The following SAMSN1 variants were observed in gnomAD, a reference collection of about 807,000 sequenced individuals.
The protein encoded by SAMSN1 is SAM domain, SH3 domain and nuclear localization signals 1.
Under a neutral mutation model 42.0 loss-of-function variants are expected in SAMSN1, and 31 were observed. The ratio of observed to expected loss-of-function variants is 0.74; its 90% CI spans 0.55 to 1.00. SAMSN1 has a LOEUF of 1.00. Among genes scored for constraint, SAMSN1 ranks in the 50% least tolerant of loss-of-function variants. The pLI is 0.00. For synonymous variants in SAMSN1, 178 were observed against 151.9 expected, an observed-to-expected ratio of 1.17 and a Z score of -1.26; for missense variants, 464 against 439.4, an observed-to-expected ratio of 1.06 and a Z score of -0.50.
chr21:14,498,641 T>C, intron 6 of SAMSN1, 49 bp from the exon 7 acceptor site: 2 of 1,427,436 alleles, frequency 1.4e-6, no homozygotes, highest in Non-Finnish European at 1.9e-6. Flanking sequence ...AAATATTTTA[T>C]TTTTAGTTCT....
chr21:14,546,343 T>C, upstream of SAMSN1: 1 of 1,583,532 alleles, frequency 6.3e-7, no homozygotes, highest in Non-Finnish European at 8.6e-7. Context: ...TGCTGTCTAA[T>C]GCACAGCATC....
At chr21:14,504,356 G>T (rs192759451) in intron 5 of SAMSN1, among the ~76,000 whole-genome samples, 1 of 152,204 alleles carries the variant, frequency 6.6e-6, no homozygotes, top group East Asian at 1.9e-4. Context: ...TCCAAAAAAC[G>T]ATCCAAGACG....
intron 2 of SAMSN1, among the ~76,000 whole-genome samples, chr21:14,623,255 A>T (rs1387355173): frequency 6.6e-6 from 1 of 152,248 alleles, no homozygotes; most frequent in African/African-American, 2.4e-5. Context: ...GCAGGATCAA[A>T]TTCACACATA....
chr21:14,604,031 T>C (rs916242457), intron 5 of SAMSN1, among the ~76,000 whole-genome samples: 3 of 152,228 alleles, frequency 2.0e-5, no homozygotes, highest in African/African-American at 7.2e-5. Context: ...GGTACCATTT[T>C]ACAGCCCCTG....
intron 2 of SAMSN1, among the ~76,000 whole-genome samples, chr21:14,579,899 G>A (rs924846204): frequency 6.6e-6 from 1 of 152,142 alleles, no homozygotes; most frequent in African/African-American, 2.4e-5. Context: ...AGTGGAGTAT[G>A]GTTAAGTTCC....
intron 2 of SAMSN1, among the ~76,000 whole-genome samples, chr21:14,581,565 T>C (rs1394139303): frequency 4.6e-5 from 7 of 151,470 alleles, no homozygotes; most frequent in South Asian, 2.1e-4. Flanking sequence ...TTCACCTTGT[T>C]AGCCAGGATG....
chr21:14,612,399 T>C (rs1982731483), intron 4 of SAMSN1: 1 of 203,826 alleles, frequency 4.9e-6, no homozygotes, highest in Non-Finnish European at 1.1e-5. Context: ...AGAATTAAGG[T>C]ACAAACCAAA....
At chr21:14,512,675 C>T in intron 3 of SAMSN1, 102 bp from the exon 4 acceptor site, 1 of 1,082,250 alleles carries the variant, frequency 9.2e-7, no homozygotes, top group Non-Finnish European at 1.4e-6. Context: ...CAATAAAATA[C>T]TTAAGGATAC....
intron 2 of SAMSN1, among the ~76,000 whole-genome samples, chr21:14,626,875 C>T (rs1983191375): frequency 2.0e-5 from 3 of 152,080 alleles, no homozygotes. Context: ...TTGGAACCAA[C>T]CCAAATGTCC....
At chr21:14,565,718 A>G (rs1311799700) in intron 2 of SAMSN1, among the ~76,000 whole-genome samples, 1 of 152,154 alleles carries the variant, frequency 6.6e-6, no homozygotes, top group South Asian at 2.1e-4. Context: ...ATCGATTCCA[A>G]ATTTAAACTC....
exon 5 of SAMSN1, chr21:14,609,544 A>T: frequency 1.4e-6 from 1 of 718,010 alleles, no homozygotes; most frequent in Non-Finnish European, 2.6e-6. Flanking sequence ...TTCCTGCCAG[A>T]TTTTGTCATT....
At chr21:14,645,380 C>T (rs995317968) in intron 1 of SAMSN1, among the ~76,000 whole-genome samples, 1 of 152,244 alleles carries the variant, frequency 6.6e-6, no homozygotes, top group South Asian at 2.1e-4. Flanking sequence ...GACTGGTCAT[C>T]CAGGGAGTTC....
chr21:14,608,875 A>G (rs1049371160), intron 5 of SAMSN1, among the ~76,000 whole-genome samples: 8 of 152,140 alleles, frequency 5.3e-5, no homozygotes, highest in Non-Finnish European at 8.8e-5. Flanking sequence ...TACCAAGCAG[A>G]TCAACTTTTG....
At chr21:14,560,988 G>C (rs943917521) in intron 2 of SAMSN1, among the ~76,000 whole-genome samples, 8 of 152,162 alleles carry the variant, frequency 5.3e-5, no homozygotes, top group Non-Finnish European at 8.8e-5. Context: ...AGGCTTTTAT[G>C]AGAGGGTCTT....
chr21:14,593,975 T>A, intron 7 of SAMSN1: 1 of 714,248 alleles, frequency 1.4e-6, no homozygotes, highest in Non-Finnish European at 2.6e-6. Context: ...AGATGGGAAA[T>A]CCACTTAAAT....
At chr21:14,533,092 T>A (rs1300279718) in intron 1 of SAMSN1, among the ~76,000 whole-genome samples, 1 of 151,944 alleles carries the variant, frequency 6.6e-6, no homozygotes, top group Non-Finnish European at 1.5e-5. Context: ...TTTATTTTTT[T>A]TATTTTTTGT....
chr21:14,595,496 A>T (rs932744806), intron 6 of SAMSN1, among the ~76,000 whole-genome samples: 2 of 152,162 alleles, frequency 1.3e-5, no homozygotes, highest in African/African-American at 4.8e-5. Flanking sequence ...AGGTGATTTC[A>T]AATTTTATTC....
intron 6 of SAMSN1, among the ~76,000 whole-genome samples, chr21:14,599,169 T>C (rs1164779293): frequency 1.3e-5 from 2 of 152,192 alleles, no homozygotes; most frequent in African/African-American, 4.8e-5. Flanking sequence ...TGGGGTGATA[T>C]GGTTTCATTG....
chr21:14,571,532 G>C (rs1183573799), intron 2 of SAMSN1, among the ~76,000 whole-genome samples: 1 of 152,154 alleles, frequency 6.6e-6, no homozygotes, highest in Non-Finnish European at 1.5e-5. Flanking sequence ...CAACTTCCCA[G>C]GAAGGAGAGG....
Sources: gnomAD v4.1 joint callset for allele counts (sites outside exome capture counted in the v4.1 genomes callset) on GRCh38, gnomAD v4.1.1 for gene constraint, MANE v1.5 for transcripts, NCBI Gene and HGNC (gene_info 2026-07-23, HGNC 2026-07-21) for gene names.